Variants in CARD9 observed in about 807,000 individuals in gnomAD.
CARD9 encodes caspase recruitment domain-containing protein 9.
CARD9 carries 53 observed loss-of-function variants against 66.0 expected under a neutral mutation model. The observed-to-expected ratio is 0.80, with a 90% CI of 0.64 to 1.01. CARD9 has a LOEUF of 1.01. CARD9 is among the 50% of genes least tolerant of loss of function. The pLI is 0.00. For synonymous variants in CARD9, 387 were observed against 313.8 expected, an observed-to-expected ratio of 1.23 and a Z score of -2.47; for missense variants, 769 against 743.2, an observed-to-expected ratio of 1.03 and a Z score of -0.40.
intron 1 of CARD9, among the ~76,000 whole-genome samples, 184 bp downstream of exon 1, chr9:136,373,348 G>A (rs539098371): frequency 1.3e-4 from 20 of 152,312 alleles, no homozygotes; most frequent in Non-Finnish European, 2.4e-4. Context: ...ATCTGCCACC[G>A]TAATTCCACT....
rs369155916 is a variant in CARD9 at position 136,370,878 on chromosome 9, C to A, written c.590G>T (p.Gly197Val). 21 of 1,605,620 alleles carry A rather than the reference C, an allele frequency of 1.3e-5. No individual in the cohort carries two copies. In the South Asian group the frequency reaches 2.3e-4, roughly 18 times the overall value. Residue 197 changes from glycine to valine, a missense_variant, in exon 4 of 13, where the codon GGC becomes GTC. By Grantham distance (109) the Gly-to-Val change is moderately radical. Transcript: ENST00000371732. Reference sequence around the variant, plus strand: ...GTCACGGTTCCGCATGAGCGCGGCGCCCTTCTCCTCACTCTGGTGCGCCAG... The same window carrying A: ...GTCACGGTTCCGCATGAGCGCGGCGACCTTCTCCTCACTCTGGTGCGCCAG... ...MRLAHQSEEK[G>V]AALMRNRDLQ...
At chr9:136,371,764 AGTC>A in intron 2 of CARD9, 128 bp downstream of exon 2, 3 of 1,418,348 alleles carry the variant, frequency 2.1e-6, no homozygotes, top group South Asian at 2.7e-5. Context: ...GTTGGGCCTC[AGTC>A]AGAGGCCAGG....
chr9:136,370,714 C>A lies in CARD9; in HGVS notation c.628-13G>T. Reference sequence around the variant, plus strand: ...TGAGCTGGTCAATCTGCAGAAGGTCCAGTGAGCCTGGCTGTCCCCTCCAGG... The same window carrying A: ...TGAGCTGGTCAATCTGCAGAAGGTCAAGTGAGCCTGGCTGTCCCCTCCAGG... On this transcript the variant is annotated splice_polypyrimidine_tract_variant and intron_variant, in intron 4 of 12. Coordinates refer to ENST00000371732, the MANE Select transcript of CARD9 (RefSeq NM_052813.5). 2 of 1,612,688 alleles carry A rather than the reference C, an allele frequency of 1.2e-6. No homozygotes were observed. Among genetic ancestry groups the A allele is most frequent in the African/African-American group, 2.7e-5 (2 of 75,068 alleles).
chr9:136,365,961 C>A (rs1833115103), intron 10 of CARD9: 1 of 152,472 alleles, frequency 6.6e-6, no homozygotes, highest in African/African-American at 2.4e-5. Flanking sequence ...TTGGCATCCC[C>A]ATGTTCAAGT....
chr9:136,365,265 C>A, intron 10 of CARD9, 48 bp from the exon 11 acceptor site: 1 of 1,567,736 alleles, frequency 6.4e-7, no homozygotes, highest in Non-Finnish European at 8.7e-7. Context: ...TGCTGGGCCA[C>A]GTATAGCACG....
intron 10 of CARD9, chr9:136,365,797 C>T (rs1304132265): frequency 6.5e-6 from 1 of 154,070 alleles, no homozygotes; most frequent in Non-Finnish European, 1.4e-5. Context: ...CAGGGCTGTC[C>T]TGGCCATTGG....
rs1456567150 is a variant in CARD9 at position 136,368,102 on chromosome 9, C to T, written c.1078-274G>A. On this transcript the variant is annotated intron_variant, in intron 7 of 12. Coordinates refer to ENST00000371732, the MANE Select transcript of CARD9 (RefSeq NM_052813.5). ...TGTGCTATGTACCCCCACACGTGCA[C>T]ATTTGATAAATTTTGGACGCGGCTT... 1.7e-5 allele frequency: 21 copies of T among 1,217,080 alleles called. No homozygotes were observed. In the East Asian group the frequency reaches 6.0e-4, roughly 35 times the overall value. The allele number at this position is 1,217,080 out of a possible 1,614,324, so 75.4% of individuals were successfully genotyped here. A position where few individuals can be genotyped will look rare whatever the true frequency, so the allele number is the denominator to read the frequency against.
chr9:136,372,459 C>T (rs1833299796), intron 1 of CARD9, among the ~76,000 whole-genome samples: 2 of 152,242 alleles, frequency 1.3e-5, no homozygotes, highest in South Asian at 4.1e-4. Context: ...CCTCTGCCTC[C>T]TGGACACTCC....
At position 136,367,699 on chromosome 9, in the gene CARD9, C is replaced by G; in HGVS notation, c.1207G>C (p.Glu403Gln). The change falls in exon 8 of 13, where the codon GAG becomes CAG. Residue 403 changes from glutamate to glutamine, a missense_variant. By Grantham distance (29) the Glu-to-Gln change is conservative (BLOSUM62 2). Transcript: ENST00000371732. Reference sequence around the variant, plus strand: ...CCCTCCACGGCCAGTAGCTGCGCCTCACACTGGAACACCTGCAGCTGCAGC... The same window carrying G: ...CCCTCCACGGCCAGTAGCTGCGCCTGACACTGGAACACCTGCAGCTGCAGC... ...DELQLQVFQC[E>Q]AQLLAVEGRL... 1 of 1,603,010 alleles carries G rather than the reference C, an allele frequency of 6.2e-7. No homozygotes were observed. The highest frequency in any genetic ancestry group is 1.1e-5 in the South Asian group (1 of 90,358).
intron 8 of CARD9, 39 bp downstream of exon 8, chr9:136,367,598 C>T (rs780456845): frequency 7.2e-6 from 11 of 1,530,624 alleles, no homozygotes; most frequent in Middle Eastern, 1.7e-4. Context: ...CTGCATCCCA[C>T]GCGCCGGCTC....
chr9:136,364,913 A>T, intron 11 of CARD9: 1 of 597,618 alleles, frequency 1.7e-6, no homozygotes, highest in Non-Finnish European at 3.0e-6. Context: ...AGGACCAGGC[A>T]CATCCACGTC....
At position 136,367,249 on chromosome 9, in the gene CARD9, G is replaced by A. The variant is rs772921675; in HGVS notation, c.1278C>T (p.Asp426=). Residue 426 remains aspartate, a synonymous_variant, in exon 9 of 13, where the codon GAC becomes GAT. Transcript: ENST00000371732. ...ACCTCCTGGGTGAGCCATCTTCCAG[G>A]TCGGAGCTCTGTGGTCATAGAAAAT... is the stretch of plus-strand genomic sequence containing the variant. ...QQLETLVLSS[D]LEDGSPRRSQ... is the part of the protein sequence containing the mutation. The A allele has an allele frequency of 1.9e-6, 3 of 1,612,918 alleles. No individual in the cohort carries two copies. The South Asian group carries it at 3.3e-5, about 18-fold the overall frequency.
Position 136,366,826 on chromosome 9 carries a change from A to T in CARD9, c.1331T>A (p.Leu444Gln). 1 of 1,613,078 alleles carries T rather than the reference A, an allele frequency of 6.2e-7. No individual in the cohort carries two copies. The highest frequency in any genetic ancestry group is 8.5e-7 in the Non-Finnish European group (1 of 1,179,930). Residue 444 changes from leucine (L) to glutamine (Q), a missense_variant, in exon 10 of 13, where the codon CTG (leucine) becomes CAG (glutamine). Physicochemically the swap from Leu to Gln is moderately radical, Grantham distance 113. Coordinates refer to ENST00000371732, the MANE Select transcript of CARD9 (RefSeq NM_052813.5). ...RSQELSLPQD[L>Q]EDTQLSDKGC... is the part of the protein sequence containing the mutation. ...TTTGTCTGAGAGCTGGGTGTCCTCC[A>T]GGTCCTGGGGGAGTGAGAGCTTCCA...
At chr9:136,372,688 C>T (rs1833304178) in intron 1 of CARD9, among the ~76,000 whole-genome samples, 1 of 152,224 alleles carries the variant, frequency 6.6e-6, no homozygotes, top group African/African-American at 2.4e-5. Flanking sequence ...GCCCTCCCTC[C>T]TCCACGGCCG....
chr9:136,368,384 C>T (rs564277910), intron 7 of CARD9, among the ~76,000 whole-genome samples: 1 of 152,376 alleles, frequency 6.6e-6, no homozygotes, highest in East Asian at 1.9e-4. Context: ...CTGGGAGCCA[C>T]ACCAACCCCC....
chr9:136,365,293 C>T (rs1833096471), intron 10 of CARD9, 76 bp from the exon 11 acceptor site: 2 of 1,414,418 alleles, frequency 1.4e-6, no homozygotes, highest in South Asian at 1.2e-5. Flanking sequence ...CACCCCTCCC[C>T]GGCATTGCAG....
intron 10 of CARD9, chr9:136,365,545 C>T (rs1833103953): frequency 4.7e-6 from 2 of 422,104 alleles, no homozygotes; most frequent in East Asian, 4.5e-5. Flanking sequence ...TGAGCAGCAC[C>T]GTCCCCCATC....
Position 136,370,296 on chromosome 9 carries a change from G to A in CARD9, c.949C>T (p.Arg317Trp), listed in dbSNP as rs781460508. The change falls in exon 6 of 13, where the codon CGG (arginine) becomes TGG (tryptophan). Residue 317 changes from arginine to tryptophan, a missense_variant and splice_region_variant. Arg to Trp is a moderately radical substitution (Grantham distance 101). Coordinates refer to ENST00000371732, the MANE Select transcript of CARD9 (RefSeq NM_052813.5). ...DLRQGEARRL[R>W]CMEEKEMFEL... The stretch of plus-strand genomic sequence containing the variant: ...TGTCTCCCCGCCTGCCCTCCTACCC[G>A]GAGGCGTCGGGCCTCGCCCTGGCGG... 8.1e-6 allele frequency: 13 copies of A among 1,602,172 alleles called. No individual in the cohort carries two copies. The highest frequency in any genetic ancestry group is 1.1e-5 in the Non-Finnish European group (13 of 1,178,634).
rs1035251446 is a variant in CARD9 at position 136,369,814 on chromosome 9, A to G, written c.1013T>C (p.Met338Thr). ...GATGGCCTCGATGCGGTCCTTGTAC[A>G]TCTTGGAGTCCTTACGTAGTGCCAG... ...QCLALRKDSK[M>T]YKDRIEAILL... Residue 338 changes from methionine (M) to threonine (T), a missense_variant, in exon 7 of 13, where the codon ATG becomes ACG. Transcript: ENST00000371732. The G allele has an allele frequency of 1.9e-6, 3 of 1,612,844 alleles. No homozygotes were observed. The highest frequency in any genetic ancestry group is 2.5e-6 in the Non-Finnish European group (3 of 1,179,968).
Sources: gnomAD v4.1 joint callset for allele counts (sites outside exome capture counted in the v4.1 genomes callset) on GRCh38, gnomAD v4.1.1 for gene constraint, MANE v1.5 for transcripts, NCBI Gene and HGNC (gene_info 2026-07-23, HGNC 2026-07-21) for gene names.